The following MROH9 variants were observed in gnomAD, a reference collection of about 807,000 sequenced individuals.
MROH9 encodes the protein maestro heat like repeat family member 9.
In MROH9, 92 loss-of-function variants were observed where a neutral mutation model predicts 98.2. The ratio of observed to expected loss-of-function variants is 0.94; its 90% CI spans 0.79 to 1.11. The LOEUF (loss-of-function observed/expected upper bound fraction) is 1.11. Ranked by LOEUF, MROH9 falls within the 50% of genes most tolerant of loss-of-function variation. The probability of loss-of-function intolerance (pLI) is 0.00; values close to 1 mark genes in which losing one functional copy is unlikely to be tolerated. For missense variants in MROH9, 1,057 were observed against 1,014.8 expected, an observed-to-expected ratio of 1.04 and a Z score of -0.57; for synonymous variants, 397 against 368.9, an observed-to-expected ratio of 1.08 and a Z score of -0.87.
chr1:170,990,083 T>C, intron 11 of MROH9, 80 bp downstream of exon 11: 1 of 1,397,508 alleles, frequency 7.2e-7, no homozygotes, highest in Non-Finnish European at 9.7e-7. Context: ...GGTTCAACTC[T>C]CAATCTACCA....
chr1:171,008,220 T>A (rs953579619), intron 15 of MROH9, among the ~76,000 whole-genome samples: 2 of 152,206 alleles, frequency 1.3e-5, no homozygotes, highest in Non-Finnish European at 1.5e-5. Flanking sequence ...TTTTATTGAC[T>A]GTATTTTGAC....
intron 3 of MROH9, among the ~76,000 whole-genome samples, chr1:170,948,316 G>A (rs1649412501): frequency 6.6e-6 from 1 of 151,926 alleles, no homozygotes; most frequent in African/African-American, 2.4e-5. Context: ...AACTTTTATA[G>A]ATTTTGTTCA....
intron 8 of MROH9, among the ~76,000 whole-genome samples, 176 bp downstream of exon 8, chr1:170,972,059 G>T (rs1571463240): frequency 6.6e-6 from 1 of 152,142 alleles, no homozygotes; most frequent in African/African-American, 2.4e-5. Context: ...AGAAATTTTG[G>T]TAATAGTGTG....
At chr1:171,059,044 G>A (rs925524166) in intron 20 of MROH9, among the ~76,000 whole-genome samples, 2 of 152,188 alleles carry the variant, frequency 1.3e-5, no homozygotes, top group Non-Finnish European at 2.9e-5. Context: ...TCATTAGGGT[G>A]AACAGGCAAC....
chr1:171,000,972 T>C (rs1361811315), intron 15 of MROH9, among the ~76,000 whole-genome samples: 1 of 152,016 alleles, frequency 6.6e-6, no homozygotes, highest in African/African-American at 2.4e-5. Context: ...GCTAGGGGAG[T>C]TGCATTTTTC....
At chr1:171,002,482 T>G (rs1483977173) in intron 15 of MROH9, among the ~76,000 whole-genome samples, 1 of 152,204 alleles carries the variant, frequency 6.6e-6, no homozygotes, top group African/African-American at 2.4e-5. Flanking sequence ...TTTGTTTGTC[T>G]GAAAACAACT....
At chr1:170,986,818 C>T in intron 10 of MROH9, 108 bp downstream of exon 10, 2 of 1,204,756 alleles carry the variant, frequency 1.7e-6, no homozygotes, top group South Asian at 3.0e-5. Flanking sequence ...TGTCATTGTT[C>T]ATTATATGAC....
At chr1:170,997,574 T>C (rs760911692) in intron 14 of MROH9, among the ~76,000 whole-genome samples, 5 of 152,168 alleles carry the variant, frequency 3.3e-5, no homozygotes, top group Non-Finnish European at 5.9e-5. Context: ...CAACTGGGAA[T>C]CTTAAAATGG....
chr1:170,996,680 T>C (rs1426750525), intron 14 of MROH9, 36 bp downstream of exon 14: 5 of 1,606,706 alleles, frequency 3.1e-6, no homozygotes, highest in Non-Finnish European at 4.3e-6. Context: ...ATTCTTGGTC[T>C]CTATCCTACC....
intron 15 of MROH9, 129 bp from the exon 16 acceptor site, chr1:171,013,988 G>A: frequency 1.4e-6 from 1 of 733,616 alleles, no homozygotes; most frequent in South Asian, 1.9e-5. Flanking sequence ...TGTGAGCACT[G>A]AAATATATGT....
At chr1:170,976,258 C>T (rs1488501186) in intron 8 of MROH9, among the ~76,000 whole-genome samples, 3 of 152,116 alleles carry the variant, frequency 2.0e-5, no homozygotes, top group African/African-American at 7.2e-5. Context: ...CTGTGTACTT[C>T]AGTGTATTTT....
intron 7 of MROH9, among the ~76,000 whole-genome samples, chr1:170,966,278 C>T (rs1286985113): frequency 2.6e-5 from 4 of 152,018 alleles, no homozygotes; most frequent in African/African-American, 4.8e-5. Context: ...GTCATAATCA[C>T]CAGTATTTAC....
intron 21 of MROH9, among the ~76,000 whole-genome samples, chr1:171,063,242 A>G (rs1654065075): frequency 7.3e-6 from 1 of 137,518 alleles, no homozygotes; most frequent in Non-Finnish European, 1.5e-5. Context: ...TGGTATATGT[A>G]TTATCCCGGA....
At chr1:170,937,777 C>A (rs1004558703) in intron 1 of MROH9, among the ~76,000 whole-genome samples, 2 of 152,126 alleles carry the variant, frequency 1.3e-5, no homozygotes, top group African/African-American at 4.8e-5. Flanking sequence ...CCCGCCTCGG[C>A]CTCCCAAAGT....
rs1571470528 is a variant in MROH9 at position 170,979,159 on chromosome 1, C to T, written c.617-4263C>T. Among the ~76,000 whole-genome samples the T allele has an allele frequency of 3.3e-5, 5 of 152,280 alleles. No homozygotes were observed. In the South Asian group the frequency reaches 8.3e-4, roughly 25 times the overall value. Reference sequence around the variant, plus strand: ...CATTTTATAGGTGCTGGGAAACCAACAAAATTAACGTGGGTTACTTTATTG... The same window carrying T: ...CATTTTATAGGTGCTGGGAAACCAATAAAATTAACGTGGGTTACTTTATTG... On this transcript the variant is annotated intron_variant, in intron 8 of 21. Coordinates refer to ENST00000367759, the MANE Select transcript of MROH9 (RefSeq NM_001163629.2).
chr1:171,025,809 A>G (rs1048573025), intron 20 of MROH9, among the ~76,000 whole-genome samples: 25 of 152,222 alleles, frequency 1.6e-4, no homozygotes, highest in Non-Finnish European at 3.7e-4. Flanking sequence ...TAGATGAGGA[A>G]GAACTACCAA....
At chr1:170,996,214 G>A (rs940634901) in intron 13 of MROH9, among the ~76,000 whole-genome samples, 9 of 152,042 alleles carry the variant, frequency 5.9e-5, no homozygotes, top group Non-Finnish European at 1.3e-4. Flanking sequence ...AAGTCATTGC[G>A]TCATTGAACA....
intron 14 of MROH9, among the ~76,000 whole-genome samples, chr1:170,996,973 G>A (rs188146542): frequency 6.6e-6 from 1 of 152,162 alleles, no homozygotes; most frequent in East Asian, 1.9e-4. Context: ...CTGCACAGCA[G>A]GCATCAGTTT....
intron 6 of MROH9, 149 bp downstream of exon 6, chr1:170,962,125 C>G (rs1297742598): frequency 1.9e-6 from 1 of 534,672 alleles, no homozygotes; most frequent in African/African-American, 2.0e-5. Flanking sequence ...GAAATGTAGT[C>G]ACTTCCCTTT....
Sources: allele counts gnomAD v4.1 joint callset (sites outside exome capture counted in the v4.1 genomes callset), GRCh38; gene constraint gnomAD v4.1.1; transcripts MANE v1.5; gene names NCBI Gene and HGNC (gene_info 2026-07-23, HGNC 2026-07-21).